The following MYOF variants were observed in gnomAD, a reference collection of about 807,000 sequenced individuals.
MYOF encodes the protein myoferlin.
In MYOF, 244 loss-of-function variants were observed where a neutral mutation model predicts 284.2. The ratio of observed to expected loss-of-function variants is 0.86; its 90% CI spans 0.77 to 0.95. The LOEUF (loss-of-function observed/expected upper bound fraction) is 0.95, where lower values mean the gene tolerates loss of function less well. Among genes scored for constraint, MYOF ranks in the 40% least tolerant of loss-of-function variants. The pLI is 0.00. For synonymous variants in MYOF, 904 were observed against 919.7 expected, an observed-to-expected ratio of 0.98 and a Z score of 0.31; for missense variants, 2,496 against 2,560.6, an observed-to-expected ratio of 0.97 and a Z score of 0.54.
intron 46 of MYOF, among the ~76,000 whole-genome samples, chr10:93,325,487 A>G (rs1449716223): frequency 6.6e-6 from 1 of 152,156 alleles, no homozygotes; most frequent in Non-Finnish European, 1.5e-5. Flanking sequence ...GCTGCATTAC[A>G]ACACACAAGC....
intron 5 of MYOF, among the ~76,000 whole-genome samples, chr10:93,423,409 C>T (rs1193705057): frequency 1.3e-5 from 2 of 151,366 alleles, no homozygotes; most frequent in African/African-American, 4.9e-5. Flanking sequence ...CGCCTGTAAT[C>T]CCACCTTCTC....
chr10:93,411,615 T>C (rs1448733487), intron 5 of MYOF, among the ~76,000 whole-genome samples: 1 of 152,128 alleles, frequency 6.6e-6, no homozygotes, highest in East Asian at 1.9e-4. Flanking sequence ...GAGCAGTCCA[T>C]GGGCAGCACA....
chr10:93,423,864 A>C lies in MYOF; in HGVS notation c.433+2207T>G, dbSNP rs11187421. Among the ~76,000 whole-genome samples the C allele has an allele frequency of 0.058, 8,820 of 151,864 alleles. 1,428 individuals are homozygous for C. In the East Asian group the frequency reaches 0.69, roughly 12 times the overall value. On this transcript the variant is annotated intron_variant, in intron 5 of 53. Transcript: ENST00000359263. ...AAAAAAACAAACCAAAAAATCAAAA[A>C]CAGACACATAGAGAGGAAGATCCTT...
intron 48 of MYOF, among the ~76,000 whole-genome samples, chr10:93,322,037 A>T (rs1178678449): frequency 6.6e-6 from 1 of 152,184 alleles, no homozygotes; most frequent in Non-Finnish European, 1.5e-5. Context: ...TAGTCAAATA[A>T]ATTTGCATAT....
Position 93,369,752 on chromosome 10 carries a change from G to C in MYOF, c.2482C>G (p.Pro828Ala), listed in dbSNP as rs1323537891. 6.2e-7 allele frequency: 1 copy of C among 1,614,142 alleles called. No individual in the cohort carries two copies. The highest frequency in any genetic ancestry group is 2.2e-5 in the East Asian group (1 of 44,874). The change falls in exon 25 of 54, where the codon CCA (proline) becomes GCA (alanine). Residue 828 changes from proline to alanine, a missense_variant. Pro to Ala is a conservative substitution (Grantham distance 27). Coordinates refer to ENST00000359263, the MANE Select transcript of MYOF (RefSeq NM_013451.4). ...LKYPQEKNNG[P>A]KVPVELRVNI... ...ACTCGCAACTCCACAGGCACCTTTG[G>C]CCCGTTGTTTTTCTCCTGTGGATAC...
At chr10:93,333,340 C>T (rs1385852281) in intron 42 of MYOF, 28 bp from the exon 43 acceptor site, 1 of 1,590,882 alleles carries the variant, frequency 6.3e-7, no homozygotes, top group South Asian at 1.1e-5. Flanking sequence ...CGGGATGTTA[C>T]ATCATTGTAG....
rs1392004571 is a variant in MYOF at position 93,363,982 on chromosome 10, G to T, written c.2847C>A (p.Ala949=). The part of the protein sequence containing the change: ...SRYPGGDWKP[A]EDTYTDANGD... ...TCACCGCATCCGTGTAGGTGTCCTC[G>T]GCCGGCTTCCAGTCGCCCCCGGGGT... The change falls in exon 27 of 54, where the codon GCC becomes GCA. Residue 949 remains alanine, a synonymous_variant. Transcript: ENST00000359263. 1 of 1,614,118 alleles carries T rather than the reference G, an allele frequency of 6.2e-7. No homozygotes were observed. The highest frequency in any genetic ancestry group is 8.5e-7 in the Non-Finnish European group (1 of 1,180,006).
chr10:93,347,126 G>A (rs1357731227), intron 37 of MYOF, among the ~76,000 whole-genome samples: 2 of 152,144 alleles, frequency 1.3e-5, no homozygotes, highest in Admixed American at 6.5e-5. Context: ...TGCCACTTAC[G>A]AATGATAGAA....
chr10:93,370,006 T>C (rs1230771663), intron 24 of MYOF, among the ~76,000 whole-genome samples: 1 of 152,200 alleles, frequency 6.6e-6, no homozygotes, highest in Non-Finnish European at 1.5e-5. Flanking sequence ...CCTGAGACCT[T>C]TTCAGGAGGT....
intron 2 of MYOF, among the ~76,000 whole-genome samples, chr10:93,455,244 A>T (rs571625455): frequency 6.6e-6 from 1 of 152,086 alleles, no homozygotes; most frequent in Admixed American, 6.6e-5. Flanking sequence ...AGCAACCTGC[A>T]CTCCAGCCTG....
At chr10:93,406,288 T>TTATTTA in intron 7 of MYOF, among the ~76,000 whole-genome samples, 1 of 58,148 alleles carries the variant, frequency 1.7e-5, no homozygotes, top group Middle Eastern at 0.011. Flanking sequence ...TAAACCTCTT[T>TTATTTA]TATATATATA....
chr10:93,437,430 A>G (rs1027057188), intron 3 of MYOF, among the ~76,000 whole-genome samples: 2 of 152,176 alleles, frequency 1.3e-5, no homozygotes, highest in Non-Finnish European at 2.9e-5. Flanking sequence ...GAGCTCACGT[A>G]TACGAAGTTG....
At chr10:93,415,111 C>T (rs1037221018) in intron 5 of MYOF, among the ~76,000 whole-genome samples, 1 of 152,156 alleles carries the variant, frequency 6.6e-6, no homozygotes, top group African/African-American at 2.4e-5. Context: ...CAGCCCCAAT[C>T]TAATGAGCAC....
intron 5 of MYOF, among the ~76,000 whole-genome samples, chr10:93,421,156 G>A (rs1219881311): frequency 6.6e-6 from 1 of 152,164 alleles, no homozygotes; most frequent in Non-Finnish European, 1.5e-5. Flanking sequence ...GGTGGAGGTT[G>A]CAATGAGCCA....
At chr10:93,385,757 A>T (rs188812903) in intron 19 of MYOF, among the ~76,000 whole-genome samples, 231 of 151,688 alleles carry the variant, frequency 1.5e-3, no homozygotes, top group African/African-American at 4.8e-3. Context: ...AATTTAGAGC[A>T]AAGAAAATGA....
At chr10:93,398,648 T>C (rs1384391318) in intron 13 of MYOF, among the ~76,000 whole-genome samples, 1 of 152,238 alleles carries the variant, frequency 6.6e-6, no homozygotes, top group East Asian at 1.9e-4. Flanking sequence ...GGCCTCATTT[T>C]GCCCCAGAGC....
intron 16 of MYOF, 151 bp from the exon 17 acceptor site, chr10:93,393,106 T>C (rs1846780970): frequency 4.5e-6 from 3 of 668,220 alleles, no homozygotes; most frequent in East Asian, 2.7e-5. Context: ...ATGACCCTTT[T>C]GTAATGTATA....
At chr10:93,316,419 G>A (rs1842614560) in intron 50 of MYOF, among the ~76,000 whole-genome samples, 1 of 152,012 alleles carries the variant, frequency 6.6e-6, no homozygotes, top group Non-Finnish European at 1.5e-5. Context: ...AGAGTGGCTG[G>A]TTTGAAAGTG....
intron 26 of MYOF, among the ~76,000 whole-genome samples, chr10:93,366,178 A>T (rs545012055): frequency 6.6e-6 from 1 of 151,944 alleles, no homozygotes; most frequent in South Asian, 2.1e-4. Flanking sequence ...CAAGCATAAT[A>T]ATTTCTCAAA....
Sources: allele counts gnomAD v4.1 joint callset (sites outside exome capture counted in the v4.1 genomes callset), GRCh38; gene constraint gnomAD v4.1.1; transcripts MANE v1.5; gene names NCBI Gene and HGNC (gene_info 2026-07-23, HGNC 2026-07-21).